Variants in DENND5A observed in about 807,000 individuals in gnomAD.
DENND5A encodes DENN domain-containing protein 5A.
Under a neutral mutation model 140.3 loss-of-function variants are expected in DENND5A, and 64 were observed. That is an observed-to-expected ratio of 0.46 (90% CI 0.37 to 0.56). DENND5A has a LOEUF of 0.56. Among genes scored for constraint, DENND5A ranks in the 20% least tolerant of loss-of-function variants. DENND5A has a pLI of 0.00. For missense variants in DENND5A, 1,292 were observed against 1,593.8 expected (o/e 0.81, Z 3.22); for synonymous variants, 605 against 607.7 (o/e 1.00, Z 0.07).
chr11:9,177,149 G>C (rs1176150291), intron 8 of DENND5A, among the ~76,000 whole-genome samples: 1 of 151,586 alleles, frequency 6.6e-6, no homozygotes, highest in Non-Finnish European at 1.5e-5. Context: ...AGCTACACGG[G>C]AGACTGAGGT....
chr11:9,198,362 C>A (rs1292315272), intron 4 of DENND5A, among the ~76,000 whole-genome samples: 2 of 151,136 alleles, frequency 1.3e-5, no homozygotes, highest in Non-Finnish European at 2.9e-5. Context: ...CACCTGTAAT[C>A]CCAGCACTTT....
In DENND5A at chr11:9,164,863, G is replaced by GCCTGTAACCC. The variant is rs1848131803; in HGVS notation, c.2283+963_2283+972dup. Among the ~76,000 whole-genome samples the GCCTGTAACCC allele has an allele frequency of 1.3e-5, 2 of 152,170 alleles. 1 individual carries two copies. ...TAAAATGTCAAAAATTTAAAACTAT[G>GCCTGTAACCC]CCTGTAACCCCAGCTACTCAGGAAG... On this transcript the variant is annotated intron_variant, in intron 11 of 22. Coordinates refer to ENST00000328194, the MANE Select transcript of DENND5A (RefSeq NM_015213.4).
intron 1 of DENND5A, among the ~76,000 whole-genome samples, chr11:9,232,608 G>A (rs1022272867): frequency 5.9e-5 from 9 of 152,146 alleles, no homozygotes; most frequent in Non-Finnish European, 8.8e-5. Flanking sequence ...CTACACTGTC[G>A]TGCACTGCAA....
At chr11:9,234,041 G>C (rs1300022330) in intron 1 of DENND5A, among the ~76,000 whole-genome samples, 4 of 152,166 alleles carry the variant, frequency 2.6e-5, no homozygotes, top group African/African-American at 7.2e-5. Flanking sequence ...AGCCGGGCAT[G>C]GTAGCACATG....
intron 7 of DENND5A, 35 bp from the exon 8 acceptor site, chr11:9,178,401 G>T: frequency 7.4e-7 from 1 of 1,360,368 alleles, no homozygotes; most frequent in Non-Finnish European, 1.0e-6. Context: ...AATTGACAGG[G>T]AAAAGGGTAA....
intron 11 of DENND5A, among the ~76,000 whole-genome samples, chr11:9,165,302 T>C (rs918970342): frequency 2.6e-5 from 4 of 152,174 alleles, no homozygotes; most frequent in Admixed American, 6.5e-5. Context: ...GCCCAGCTTG[T>C]TGTTCATTTT....
At chr11:9,150,332 A>G (rs1847574166) in intron 14 of DENND5A, 123 bp from the exon 15 acceptor site, 1 of 1,208,808 alleles carries the variant, frequency 8.3e-7, no homozygotes, top group Non-Finnish European at 1.2e-6. Flanking sequence ...GGGAGAGCCT[A>G]TCTCTATATT....
At chr11:9,262,188 C>G (rs1852235336) in intron 1 of DENND5A, among the ~76,000 whole-genome samples, 1 of 151,732 alleles carries the variant, frequency 6.6e-6, no homozygotes, top group East Asian at 1.9e-4. Context: ...AGATGAGGAC[C>G]CTGACAGGGT....
intron 1 of DENND5A, among the ~76,000 whole-genome samples, chr11:9,264,147 C>G (rs1428152299): frequency 6.6e-6 from 1 of 152,108 alleles, no homozygotes; most frequent in African/African-American, 2.4e-5. Context: ...GTGGAAAATT[C>G]ACGGGGACTG....
chr11:9,142,992 G>A, intron 20 of DENND5A, 147 bp from the exon 21 acceptor site: 1 of 1,006,408 alleles, frequency 9.9e-7, no homozygotes, highest in Non-Finnish European at 1.4e-6. Flanking sequence ...CTGGCACAGT[G>A]CCTGGCTCAG....
chr11:9,232,012 T>G (rs894122314), intron 1 of DENND5A, among the ~76,000 whole-genome samples: 10 of 151,838 alleles, frequency 6.6e-5, no homozygotes, highest in Non-Finnish European at 1.3e-4. Flanking sequence ...TGCAGAATGC[T>G]GAAAAACGGC....
chr11:9,221,166 C>T (rs1005564882), intron 1 of DENND5A, among the ~76,000 whole-genome samples: 3 of 152,016 alleles, frequency 2.0e-5, no homozygotes, highest in African/African-American at 7.2e-5. Flanking sequence ...CACGGTGGCT[C>T]ACGCCTGTAA....
At position 9,144,977 on chromosome 11, in the gene DENND5A, G is replaced by T; in HGVS notation, c.3122+18C>A. The T allele has an allele frequency of 6.4e-7, 1 of 1,564,240 alleles. No individual in the cohort carries two copies. The highest frequency in any genetic ancestry group is 8.8e-7 in the Non-Finnish European group (1 of 1,134,694). ...ATACACCTTGCCCCTCTACCTTACA[G>T]CCTGAGGGTATACTTACTTGTAGGT... On this transcript the variant is annotated intron_variant, in intron 18 of 22. Coordinates refer to ENST00000328194, the MANE Select transcript of DENND5A (RefSeq NM_015213.4).
At chr11:9,198,361 T>C (rs1021390669) in intron 4 of DENND5A, among the ~76,000 whole-genome samples, 4 of 150,278 alleles carry the variant, frequency 2.7e-5, no homozygotes, top group Non-Finnish European at 5.9e-5. Flanking sequence ...ACACCTGTAA[T>C]CCCAGCACTT....
At chr11:9,253,605 T>A (rs781330760) in intron 1 of DENND5A, among the ~76,000 whole-genome samples, 1 of 151,560 alleles carries the variant, frequency 6.6e-6, no homozygotes, top group Non-Finnish European at 1.5e-5. Flanking sequence ...TACAAAAAAA[T>A]AATAATTAGT....
At chr11:9,140,275 T>A in intron 22 of DENND5A, 1 of 1,191,142 alleles carries the variant, frequency 8.4e-7, no homozygotes, top group Non-Finnish European at 1.1e-6. Flanking sequence ...GTACTATTAT[T>A]ATCCCCACTT....
chr11:9,177,612 C>T (rs1290722679), intron 8 of DENND5A, among the ~76,000 whole-genome samples: 1 of 151,718 alleles, frequency 6.6e-6, no homozygotes, highest in Non-Finnish European at 1.5e-5. Flanking sequence ...GCTATGTTCA[C>T]ACCACTGCAT....
intron 1 of DENND5A, among the ~76,000 whole-genome samples, chr11:9,245,087 A>G (rs930553224): frequency 6.6e-6 from 1 of 151,492 alleles, no homozygotes; most frequent in African/African-American, 2.4e-5. Context: ...GACCAATACC[A>G]TCTTGGCCAA....
intron 1 of DENND5A, among the ~76,000 whole-genome samples, chr11:9,221,782 G>T (rs979110885): frequency 6.6e-6 from 1 of 151,850 alleles, no homozygotes; most frequent in African/African-American, 2.4e-5. Context: ...TTTTAAGATG[G>T]AGTCTTGCTC....
Sources: allele counts gnomAD v4.1 joint callset (sites outside exome capture counted in the v4.1 genomes callset), GRCh38; gene constraint gnomAD v4.1.1; transcripts MANE v1.5; gene names NCBI Gene and HGNC (gene_info 2026-07-23, HGNC 2026-07-21).